UGT2A1: variants seen among roughly 807,000 people sequenced by gnomAD.
UGT2A1 encodes the protein UDP glucuronosyltransferase family 2 member A1 complex locus.
UGT2A1 carries 61 observed loss-of-function variants against 45.4 expected under a neutral mutation model. That is an observed-to-expected ratio of 1.34 (90% CI 1.09 to 1.66). UGT2A1 has a LOEUF of 1.66. Ranked by LOEUF, UGT2A1 falls within the 40% of genes most tolerant of loss-of-function variation. UGT2A1 has a pLI of 0.00. For missense variants in UGT2A1, 649 were observed against 574.3 expected, an observed-to-expected ratio of 1.13 and a Z score of -1.33; for synonymous variants, 229 against 196.2, an observed-to-expected ratio of 1.17 and a Z score of -1.40.
intron 2 of UGT2A1, among the ~76,000 whole-genome samples, chr4:69,636,190 C>G (rs1458741589): frequency 1.3e-5 from 2 of 152,090 alleles, no homozygotes; most frequent in African/African-American, 4.8e-5. Context: ...GTCTGTTTTT[C>G]CTACACAGAA....
At chr4:69,608,624 G>A (rs1719831409) in intron 3 of UGT2A1, among the ~76,000 whole-genome samples, 1 of 151,484 alleles carries the variant, frequency 6.6e-6, no homozygotes, top group Non-Finnish European at 1.5e-5. Flanking sequence ...AAGAAGGAAG[G>A]AGGGAAAAAA....
intron 3 of UGT2A1, among the ~76,000 whole-genome samples, chr4:69,601,270 T>A (rs1364974727): frequency 1.3e-5 from 2 of 152,082 alleles, no homozygotes; most frequent in Non-Finnish European, 1.5e-5. Flanking sequence ...CATGCCTACA[T>A]AGGGGGAGCC....
intron 2 of UGT2A1, chr4:69,639,135 G>C (rs755274885): frequency 1.2e-6 from 2 of 1,613,596 alleles, no homozygotes; most frequent in Non-Finnish European, 1.7e-6. Context: ...TAATTTCAGA[G>C]CAACAAGATC....
At chr4:69,598,985 C>T (rs1197805643) in intron 4 of UGT2A1, among the ~76,000 whole-genome samples, 2 of 152,082 alleles carry the variant, frequency 1.3e-5, no homozygotes, top group African/African-American at 2.4e-5. Flanking sequence ...TCTGTCCCAC[C>T]AAGTCCAGTA....
At chr4:69,611,298 C>CTTTTTTTTTTTTTTTTTTTTTTTTTTTT (rs1287210111) in intron 3 of UGT2A1, among the ~76,000 whole-genome samples, 2 of 149,520 alleles carry the variant, frequency 1.3e-5, no homozygotes, top group African/African-American at 5.0e-5. Context: ...TCCAGCTATT[C>CTTTTTTTTTTTTTTTTTTTTTTTTTTTT]TTAATGCTAT....
chr4:69,608,118 C>T (rs189233547), intron 3 of UGT2A1, among the ~76,000 whole-genome samples: 5 of 152,238 alleles, frequency 3.3e-5, no homozygotes, highest in Admixed American at 6.5e-5. Flanking sequence ...GACCCATGCA[C>T]ACGTATGTTT....
chr4:69,613,916 G>A (rs1460459611), intron 3 of UGT2A1, among the ~76,000 whole-genome samples: 1 of 152,034 alleles, frequency 6.6e-6, no homozygotes, highest in Non-Finnish European at 1.5e-5. Flanking sequence ...AGATCTGGAA[G>A]AAGAGTAGGA....
intron 3 of UGT2A1, chr4:69,599,822 T>C (rs1019762922): frequency 6.4e-6 from 1 of 156,868 alleles, no homozygotes; most frequent in Non-Finnish European, 1.4e-5. Context: ...AAGTAATGTG[T>C]AAGTGTAATT....
intron 3 of UGT2A1, among the ~76,000 whole-genome samples, chr4:69,615,273 C>G (rs1278168651): frequency 6.6e-6 from 1 of 151,944 alleles, no homozygotes; most frequent in East Asian, 1.9e-4. Flanking sequence ...GATTTAAAAC[C>G]CGAAACTTTG....
At chr4:69,636,480 A>G (rs1721716857) in intron 2 of UGT2A1, among the ~76,000 whole-genome samples, 1 of 152,184 alleles carries the variant, frequency 6.6e-6, no homozygotes, top group Admixed American at 6.5e-5. Flanking sequence ...AAAGGTTTTA[A>G]GTAAATAGGA....
At chr4:69,607,364 A>G (rs1719699536) in intron 3 of UGT2A1, among the ~76,000 whole-genome samples, 1 of 151,546 alleles carries the variant, frequency 6.6e-6, no homozygotes, top group Non-Finnish European at 1.5e-5. Flanking sequence ...CTGGCTAGCC[A>G]TATGTAGAAA....
chr4:69,594,049 A>C (rs1718757864), intron 6 of UGT2A1, among the ~76,000 whole-genome samples: 1 of 140,556 alleles, frequency 7.1e-6, no homozygotes, highest in Non-Finnish European at 1.5e-5. Flanking sequence ...ATCTTGGCTC[A>C]CTGCAACCTC....
intron 3 of UGT2A1, among the ~76,000 whole-genome samples, chr4:69,618,203 G>GTGTGTGTGTATGTT (rs1560481726): frequency 2.2e-5 from 2 of 92,208 alleles, no homozygotes; most frequent in African/African-American, 8.1e-5. Flanking sequence ...GTGTGTGTGT[G>GTGTGTGTGTATGTT]TGTGTGTGTG....
chr4:69,627,570 GAA>G (rs1297731670), intron 3 of UGT2A1, among the ~76,000 whole-genome samples: 22 of 144,086 alleles, frequency 1.5e-4, no homozygotes, highest in African/African-American at 5.6e-4. Context: ...GAGAGAGAAA[GAA>G]AGAGAGAAAG....
intron 1 of UGT2A1, among the ~76,000 whole-genome samples, chr4:69,652,597 A>G (rs1722587878): frequency 6.6e-6 from 1 of 152,098 alleles, no homozygotes; most frequent in Non-Finnish European, 1.5e-5. Flanking sequence ...AATAAATAAA[A>G]TTGATTTTGC....
intron 6 of UGT2A1, among the ~76,000 whole-genome samples, chr4:69,590,731 T>C (rs2109872281): frequency 6.6e-6 from 1 of 152,228 alleles, no homozygotes; most frequent in Non-Finnish European, 1.5e-5. Context: ...GAATATACTT[T>C]AGGCAATAAA....
rs76063048 is a variant in UGT2A1, at chr4:69,630,269, G to A, written c.847+5422C>T. ...ATTTTTTTCTCCTGCAATTTTTGAC[G>A]TAGTTGGAGTGAGGCCATATGCAAC... On this transcript the variant is annotated intron_variant, in intron 3 of 6. Transcript: ENST00000286604. 1.1e-4 allele frequency among the ~76,000 whole-genome samples: 16 copies of A among 152,030 alleles called. No individual in the cohort carries two copies. The East Asian group carries it at 1.7e-3, about 17-fold the overall frequency.
chr4:69,640,869 G>A (rs557997841), intron 2 of UGT2A1, among the ~76,000 whole-genome samples: 42 of 151,934 alleles, frequency 2.8e-4, no homozygotes, highest in African/African-American at 8.7e-4. Context: ...GGCAGCCAGA[G>A]AAGAGTGTAA....
intron 2 of UGT2A1, among the ~76,000 whole-genome samples, chr4:69,637,323 C>T (rs1721766509): frequency 1.3e-5 from 2 of 151,820 alleles, no homozygotes; most frequent in South Asian, 4.2e-4. Context: ...TAGACAAATT[C>T]TAAGAAAAAG....
Sources: gnomAD v4.1 joint callset for allele counts (sites outside exome capture counted in the v4.1 genomes callset) on GRCh38, gnomAD v4.1.1 for gene constraint, MANE v1.5 for transcripts, NCBI Gene and HGNC (gene_info 2026-07-23, HGNC 2026-07-21) for gene names.